The following PRRC2B variants were observed in gnomAD, a reference collection of about 807,000 sequenced individuals.
PRRC2B encodes proline rich coiled-coil 2B, also known as protein PRRC2B.
In PRRC2B, 68 loss-of-function variants were observed where a neutral mutation model predicts 242.3. The ratio of observed to expected loss-of-function variants is 0.28; its 90% CI spans 0.23 to 0.34. The LOEUF (loss-of-function observed/expected upper bound fraction) is 0.34. PRRC2B is among the 10% of genes least tolerant of loss of function. The pLI, the probability that PRRC2B is intolerant of heterozygous loss-of-function variation, is 1.00. For missense variants in PRRC2B, 2,835 were observed against 2,954.8 expected (o/e 0.96, Z 0.94); for synonymous variants, 1,228 against 1,173.6 (o/e 1.05, Z -0.95).
intron 1 of PRRC2B, among the ~76,000 whole-genome samples, chr9:131,383,644 C>G (rs1836790596): frequency 6.7e-6 from 1 of 149,378 alleles, no homozygotes; most frequent in Admixed American, 6.7e-5. Flanking sequence ...CCCTGTCACC[C>G]AGGCTGGAGT....
chr9:131,411,351 TTG>T (rs1417557654), intron 1 of PRRC2B, among the ~76,000 whole-genome samples: 2 of 24,630 alleles, frequency 8.1e-5, no homozygotes, highest in South Asian at 5.0e-3. Context: ...GTTTTTTGTT[TTG>T]TTTTTTTTTT....
At chr9:131,479,121 GACGAGC>G (rs1943787595) in intron 18 of PRRC2B, 125 bp from the exon 19 acceptor site, 1 of 894,922 alleles carries the variant, frequency 1.1e-6, no homozygotes, top group Non-Finnish European at 1.7e-6. Context: ...GGTTTTGGGA[GACGAGC>G]GTTCCACACA....
At chr9:131,435,158 C>T (rs1390982087) in intron 3 of PRRC2B, among the ~76,000 whole-genome samples, 2 of 151,698 alleles carry the variant, frequency 1.3e-5, no homozygotes, top group East Asian at 1.9e-4. Context: ...ATTAGCTGGG[C>T]GTGGTCGTGC....
Position 131,476,027 on chromosome 9 carries a change from A to G in PRRC2B, c.3898A>G (p.Arg1300Gly). Residue 1300 changes from arginine (R) to glycine (G), a missense_variant, in exon 16 of 32, where the codon AGG (arginine) becomes GGG (glycine). Transcript: ENST00000683519. ...DSENAENRPF[R>G]RRRPPRQDKP... is the part of the protein sequence containing the mutation. ...TGAAAATGCAGAGAACCGGCCCTTC[A>G]GGAGAAGGCGCCCCCCACGCCAAGA... The G allele has an allele frequency of 6.2e-7, 1 of 1,606,000 alleles. No individual in the cohort carries two copies. Among genetic ancestry groups the G allele is most frequent in the Non-Finnish European group, 8.5e-7 (1 of 1,174,544 alleles).
At chr9:131,427,968 C>G (rs1838018791) in intron 1 of PRRC2B, among the ~76,000 whole-genome samples, 1 of 152,206 alleles carries the variant, frequency 6.6e-6, no homozygotes, top group African/African-American at 2.4e-5. Context: ...GTCACTCAGG[C>G]TGGAGTGCAA....
At chr9:131,463,938 A>G (rs896516227) in intron 11 of PRRC2B, among the ~76,000 whole-genome samples, 2 of 142,696 alleles carry the variant, frequency 1.4e-5, no homozygotes, top group African/African-American at 5.3e-5. Flanking sequence ...TTTGCTAGAC[A>G]TGCTTTTTTT....
At chr9:131,447,062 T>C (rs1838825738) in intron 7 of PRRC2B, 23 bp from the exon 8 acceptor site, 3 of 1,613,856 alleles carry the variant, frequency 1.9e-6, no homozygotes, top group East Asian at 2.2e-5. Context: ...CAGCAAATCC[T>C]GTTCATTGAT....
At chr9:131,467,452 T>TA in intron 12 of PRRC2B, 111 bp from the exon 13 acceptor site, 1 of 949,112 alleles carries the variant, frequency 1.1e-6, no homozygotes, top group East Asian at 2.6e-5. Context: ...ACGTGACTGT[T>TA]CTAGCAGTGG....
rs769594953 is a variant in PRRC2B at position 131,476,008 on chromosome 9, T to C, written c.3879T>C (p.Asn1293=). The C allele has an allele frequency of 3.1e-6, 5 of 1,606,698 alleles. No individual in the cohort carries two copies. In the Admixed American group the frequency reaches 6.7e-5, roughly 22 times the overall value. The change falls in exon 16 of 32, where the codon AAT becomes AAC. Residue 1293 remains asparagine (N), a synonymous_variant. Transcript: ENST00000683519. ...FQDEHVADSE[N]AENRPFRRRR... ...ATGAACACGTGGCAGATTCTGAAAA[T>C]GCAGAGAACCGGCCCTTCAGGAGAA...
chr9:131,453,945 C>G (rs1341414026), intron 9 of PRRC2B, among the ~76,000 whole-genome samples: 1 of 152,122 alleles, frequency 6.6e-6, no homozygotes, highest in African/African-American at 2.4e-5. Flanking sequence ...TATATATTCA[C>G]AAGGTTGTAC....
At chr9:131,410,515 C>T (rs896856170) in intron 1 of PRRC2B, among the ~76,000 whole-genome samples, 1 of 152,180 alleles carries the variant, frequency 6.6e-6, no homozygotes, top group African/African-American at 2.4e-5. Flanking sequence ...TTCCAGTGCC[C>T]AACACTGCCC....
rs757789455 is a variant in PRRC2B, at chr9:131,475,024, G to A, written c.2895G>A (p.Glu965=). The change falls in exon 16 of 32, where the codon GAG becomes GAA. Residue 965 remains glutamate (E), a synonymous_variant. Coordinates refer to ENST00000683519, the MANE Select transcript of PRRC2B (RefSeq NM_013318.4). ...AGGAGCTTGAGAAGATTAAGCAGGA[G>A]CTAGGGGAGGAGAGTACCCGGCTGG... The part of the protein sequence containing the change: ...KEKELEKIKQ[E]LGEESTRLAK... The A allele has an allele frequency of 9.3e-6, 15 of 1,606,994 alleles. No individual in the cohort carries two copies. The Admixed American group carries it at 2.4e-4, about 25-fold the overall frequency.
At chr9:131,457,450 A>C (rs1166791410) in intron 10 of PRRC2B, among the ~76,000 whole-genome samples, 1 of 152,340 alleles carries the variant, frequency 6.6e-6, no homozygotes, top group East Asian at 1.9e-4. Flanking sequence ...AGGGCACTTC[A>C]AAATCAGAGT....
upstream of PRRC2B, among the ~76,000 whole-genome samples, chr9:131,393,649 G>A (rs1460549486): frequency 1.3e-5 from 2 of 152,236 alleles, no homozygotes; most frequent in Non-Finnish European, 2.9e-5. Flanking sequence ...AGTTTTGAAG[G>A]GGGAGGGGGC....
chr9:131,490,817 C>T (rs1205468492), intron 28 of PRRC2B: 8 of 311,850 alleles, frequency 2.6e-5, no homozygotes, highest in Admixed American at 7.8e-5. Flanking sequence ...CAGAGATATA[C>T]GTCCGATGCA....
Position 131,487,739 on chromosome 9 carries a change from G to C in PRRC2B, c.5985-117G>C. On this transcript the variant is annotated intron_variant, in intron 27 of 31. Coordinates refer to ENST00000683519, the MANE Select transcript of PRRC2B (RefSeq NM_013318.4). This position sits in a 1 kb window ranked among gnomAD's most constrained non-coding sequence, Gnocchi z 5.3. ...TCCTGGACCCTCTGAGTCGCGCTCT[G>C]GGGGTGGGGCCGGGGATCTGTGGTT... 1.5e-6 allele frequency: 2 copies of C among 1,379,216 alleles called. No individual in the cohort carries two copies. Among genetic ancestry groups the C allele is most frequent in the Non-Finnish European group, 2.0e-6 (2 of 1,025,354 alleles). 85.4% of individuals were successfully genotyped at this position (1,379,216 alleles called of 1,614,324 possible).
chr9:131,473,709 T>C lies in PRRC2B; in HGVS notation c.2309T>C (p.Met770Thr). ...PHPKSSDTLA[M>T]DMRVRNESSF... ...CCGAAGTCGAGTGACACCTTGGCTA[T>C]GGACATGCGTGTCAGGTGAGATGAA... The change falls in exon 15 of 32, where the codon ATG becomes ACG. Residue 770 changes from methionine to threonine, a missense_variant. Met to Thr is a moderately conservative substitution (Grantham distance 81, BLOSUM62 -1). Coordinates refer to ENST00000683519, the MANE Select transcript of PRRC2B (RefSeq NM_013318.4). 6.2e-7 allele frequency: 1 copy of C among 1,613,162 alleles called. No homozygotes were observed. Among genetic ancestry groups the C allele is most frequent in the Non-Finnish European group, 8.5e-7 (1 of 1,179,590 alleles).
At chr9:131,472,371 T>C (rs887040989) in intron 14 of PRRC2B, among the ~76,000 whole-genome samples, 1 of 151,758 alleles carries the variant, frequency 6.6e-6, no homozygotes, top group Non-Finnish European at 1.5e-5. Context: ...GTGGTGCAAT[T>C]TCAACTCACT....
intron 1 of PRRC2B, among the ~76,000 whole-genome samples, chr9:131,420,505 T>TCTTTCTTTCTTTC (rs1472671577): frequency 3.0e-4 from 11 of 37,064 alleles, no homozygotes; most frequent in Non-Finnish European, 3.5e-4. Flanking sequence ...TTTTTTTTTT[T>TCTTTCTTTCTTTC]TTTTTGAGAT....
Sources: gnomAD v4.1 joint callset for allele counts (sites outside exome capture counted in the v4.1 genomes callset) on GRCh38, gnomAD v4.1.1 for gene constraint, Gnocchi (gnomAD v3.1) non-coding constraint, MANE v1.5 for transcripts, NCBI Gene and HGNC (gene_info 2026-07-23, HGNC 2026-07-21) for gene names.